Variants in ELOVL5 observed in about 807,000 individuals in gnomAD.
The protein encoded by ELOVL5 is ELOVL fatty acid elongase 5, also known as very long chain fatty acid elongase 5.
In ELOVL5, 8 loss-of-function variants were observed where a neutral mutation model predicts 38.6. The observed-to-expected ratio is 0.21, with a 90% CI of 0.12 to 0.37. The LOEUF is 0.37. Among genes scored for constraint, ELOVL5 ranks in the 10% least tolerant of loss-of-function variants. The pLI is 1.00. For missense variants in ELOVL5, 280 were observed against 367.8 expected (o/e 0.76, Z 1.95); for synonymous variants, 127 against 133.7 (o/e 0.95, Z 0.34).
At chr6:53,347,651 C>T (rs1319233557) in intron 1 of ELOVL5, among the ~76,000 whole-genome samples, 1 of 152,236 alleles carries the variant, frequency 6.6e-6, no homozygotes, top group Non-Finnish European at 1.5e-5. Flanking sequence ...CCCCACAAAT[C>T]CCATCTAGCA....
chr6:53,268,978 AG>A lies in ELOVL5; in HGVS notation c.*148del, dbSNP rs1176575132. On this transcript the variant is annotated 3_prime_UTR_variant, in exon 8 of 8. Transcript: ENST00000304434. ...CTTATATAATCTGTATACGTTTTCT[AG>A]GGGTTTTGAATTGATGAAAGAAGTC... 2.3e-6 allele frequency: 2 copies of A among 860,482 alleles called. No individual in the cohort carries two copies. Among genetic ancestry groups the A allele is most frequent in the African/African-American group, 1.7e-5 (1 of 59,096 alleles). 53.3% of individuals were successfully genotyped at this position (860,482 alleles called of 1,614,324 possible).
intron 3 of ELOVL5, among the ~76,000 whole-genome samples, chr6:53,284,084 C>T (rs1395243390): frequency 6.6e-6 from 1 of 151,546 alleles, no homozygotes; most frequent in Non-Finnish European, 1.5e-5. Flanking sequence ...GGTGGGAGGA[C>T]TGCCAGAGCC....
chr6:53,286,595 A>G (rs771919318), intron 3 of ELOVL5, among the ~76,000 whole-genome samples: 12 of 152,140 alleles, frequency 7.9e-5, no homozygotes, highest in Non-Finnish European at 1.2e-4. Context: ...ACAATCTAAC[A>G]ACATACATAT....
At chr6:53,289,866 A>G (rs1031978593) in intron 3 of ELOVL5, among the ~76,000 whole-genome samples, 1 of 152,254 alleles carries the variant, frequency 6.6e-6, no homozygotes, top group Non-Finnish European at 1.5e-5. Flanking sequence ...AACTTGGAGC[A>G]CTAGGGCTTA....
chr6:53,278,038 T>C (rs558422362), intron 3 of ELOVL5, among the ~76,000 whole-genome samples: 4 of 152,318 alleles, frequency 2.6e-5, no homozygotes, highest in African/African-American at 9.6e-5. Context: ...ATGTAAAAGA[T>C]CCTCTTTTTT....
At chr6:53,339,449 C>G (rs565254021) in intron 1 of ELOVL5, among the ~76,000 whole-genome samples, 2 of 152,356 alleles carry the variant, frequency 1.3e-5, no homozygotes, top group African/African-American at 4.8e-5. Context: ...TGGCCCAGCA[C>G]AGTGGCCCTT....
chr6:53,281,552 A>ACATG (rs1410863026), intron 3 of ELOVL5, among the ~76,000 whole-genome samples: 2 of 152,174 alleles, frequency 1.3e-5, no homozygotes, highest in African/African-American at 4.8e-5. Flanking sequence ...CTTAGTAAGA[A>ACATG]CATGGTAGGG....
chr6:53,297,625 G>C (rs1767063400), intron 1 of ELOVL5, among the ~76,000 whole-genome samples: 1 of 151,996 alleles, frequency 6.6e-6, no homozygotes, highest in African/African-American at 2.4e-5. Flanking sequence ...TTAATTATTA[G>C]TTATTGTTGT....
intron 1 of ELOVL5, among the ~76,000 whole-genome samples, chr6:53,345,930 C>T (rs971385847): frequency 1.3e-5 from 2 of 152,168 alleles, no homozygotes; most frequent in Non-Finnish European, 2.9e-5. Context: ...TTATGCGATA[C>T]ATGTGCTGAA....
chr6:53,326,250 T>C (rs1768536168), intron 1 of ELOVL5, among the ~76,000 whole-genome samples: 2 of 152,184 alleles, frequency 1.3e-5, no homozygotes, highest in South Asian at 4.1e-4. Flanking sequence ...CCAGCTGGCT[T>C]TCAGGCACTC....
Position 53,303,219 on chromosome 6 carries a change from T to A in ELOVL5, c.-8-7512A>T, listed in dbSNP as rs572471372. Among the ~76,000 whole-genome samples, 39 of 152,328 alleles carry A rather than the reference T, an allele frequency of 2.6e-4. No individual in the cohort carries two copies. In the Middle Eastern group the frequency reaches 0.014, roughly 53 times the overall value. On this transcript the variant is annotated intron_variant, in intron 1 of 7. Coordinates refer to ENST00000304434, the MANE Select transcript of ELOVL5 (RefSeq NM_021814.5). ...TGCTGAGGAATGTTAAAATTCAAAA[T>A]GTCGTGAAGACCATAAAGGAAAGAA... is the stretch of plus-strand genomic sequence containing the variant.
rs1028445166 is a variant in ELOVL5 at position 53,287,911 on chromosome 6, C to A, written c.246+3865G>T. The A allele has an allele frequency of 1.9e-4, 289 of 1,535,580 alleles. 1 individual carries two copies. Among genetic ancestry groups the A allele is most frequent in the Non-Finnish European group, 2.4e-4 (271 of 1,146,902 alleles). On this transcript the variant is annotated intron_variant, in intron 3 of 7. Coordinates refer to ENST00000304434, the MANE Select transcript of ELOVL5 (RefSeq NM_021814.5). ...AGTCGAAGGATCAGTTCGTGAGGCACAGGCAGATCGACGGGGTTGCTCCCT... is the reference window on the plus strand; with the variant it reads ...AGTCGAAGGATCAGTTCGTGAGGCAAAGGCAGATCGACGGGGTTGCTCCCT...
At chr6:53,292,909 A>C (rs1766827631) in intron 2 of ELOVL5, among the ~76,000 whole-genome samples, 1 of 152,228 alleles carries the variant, frequency 6.6e-6, no homozygotes, top group African/African-American at 2.4e-5. Context: ...GCGAAGACCT[A>C]GGCGGATCCA....
chr6:53,343,298 C>T (rs921805449), intron 1 of ELOVL5, among the ~76,000 whole-genome samples: 4 of 152,022 alleles, frequency 2.6e-5, no homozygotes, highest in Non-Finnish European at 4.4e-5. Context: ...CTGTAACCTC[C>T]GCCTCCTGGA....
Position 53,348,800 on chromosome 6 carries a change from G to A in ELOVL5, c.-9+17C>T, listed in dbSNP as rs1284248656. 1.1e-5 allele frequency: 5 copies of A among 454,180 alleles called. No individual in the cohort carries two copies. Among genetic ancestry groups the A allele is most frequent in the South Asian group, 4.6e-5 (3 of 64,684 alleles). 28.1% of individuals were successfully genotyped at this position (454,180 alleles called of 1,614,324 possible). A position where few individuals can be genotyped will look rare whatever the true frequency, so the allele number is the denominator to read the frequency against. Reference sequence around the variant, plus strand: ...GCGGCGGCCCCCGACGAAGTTTCCCGGAGCTGACGGCTTTACCTTTTAGCC... The same window carrying A: ...GCGGCGGCCCCCGACGAAGTTTCCCAGAGCTGACGGCTTTACCTTTTAGCC... On this transcript the variant is annotated intron_variant, in intron 1 of 7. Transcript: ENST00000304434.
chr6:53,340,377 C>T (rs1447593065), intron 1 of ELOVL5, among the ~76,000 whole-genome samples: 2 of 152,020 alleles, frequency 1.3e-5, no homozygotes, highest in Non-Finnish European at 2.9e-5. Flanking sequence ...CATGAGCCAC[C>T]ACACCTAATC....
At position 53,348,896 on chromosome 6, in the gene ELOVL5, C is replaced by T. The variant is rs766409728; in HGVS notation, c.-88G>A. ...GAGGGAGCGCGGGTGGCAGCCGGCG[C>T]AGAGGCGGATGTAGAAGGAGACACC... On this transcript the variant is annotated 5_prime_UTR_variant, in exon 1 of 8. Transcript: ENST00000304434. The T allele has an allele frequency of 1.5e-5, 7 of 453,206 alleles. No individual in the cohort carries two copies. The highest frequency in any genetic ancestry group is 1.4e-4 in the Admixed American group (6 of 42,466). 28.1% of individuals were successfully genotyped at this position (453,206 alleles called of 1,614,324 possible). A position where few individuals can be genotyped will look rare whatever the true frequency, so the allele number is the denominator to read the frequency against.
At chr6:53,308,872 A>G in intron 1 of ELOVL5, among the ~76,000 whole-genome samples, 1 of 82,672 alleles carries the variant, frequency 1.2e-5, no homozygotes, top group African/African-American at 5.0e-5. Flanking sequence ...AGCTGGGGGG[A>G]GGGGATGCGC....
rs6458916 is a variant in ELOVL5, at chr6:53,319,195, C to T, written c.-8-23488G>A. On this transcript the variant is annotated intron_variant, in intron 1 of 7. Coordinates refer to ENST00000304434, the MANE Select transcript of ELOVL5 (RefSeq NM_021814.5). ...CTGAGGCAGGAGAATGGCGTGAACC[C>T]GGTAGGCGGAGCTTGCAGTGAGCTG... Among the ~76,000 whole-genome samples the T allele has an allele frequency of 3.9e-3, 544 of 141,106 alleles. 2 individuals are homozygous for T. Among genetic ancestry groups the T allele is most frequent in the African/African-American group, 0.014 (513 of 36,578 alleles). 92.6% of individuals were successfully genotyped at this position (141,106 alleles called of 152,430 possible).
Sources: gnomAD v4.1 joint callset for allele counts (sites outside exome capture counted in the v4.1 genomes callset) on GRCh38, gnomAD v4.1.1 for gene constraint, MANE v1.5 for transcripts, NCBI Gene and HGNC (gene_info 2026-07-23, HGNC 2026-07-21) for gene names.